The following ERG variants were observed in gnomAD, a reference collection of about 807,000 sequenced individuals.
The protein encoded by ERG is transcriptional regulator ERG.
Under a neutral mutation model 55.3 loss-of-function variants are expected in ERG, and 9 were observed. The observed-to-expected ratio is 0.16, with a 90% CI of 0.10 to 0.28. The LOEUF is 0.28. ERG is among the 10% of genes least tolerant of loss of function. The pLI, the probability that ERG is intolerant of heterozygous loss-of-function variation, is 1.00. For synonymous variants in ERG, 223 were observed against 237.3 expected (o/e 0.94, Z 0.55); for missense variants, 434 against 631.6 (o/e 0.69, Z 3.35).
chr21:38,442,452 G>T (rs1052505385), intron 2 of ERG, among the ~76,000 whole-genome samples: 1 of 152,134 alleles, frequency 6.6e-6, no homozygotes, highest in African/African-American at 2.4e-5. Context: ...GATGTTTCCC[G>T]GAAAGAGACC....
intron 2 of ERG, among the ~76,000 whole-genome samples, chr21:38,555,098 G>A (rs8130048): frequency 0.48 from 73,159 of 151,934 alleles, 19,603 homozygotes; most frequent in Non-Finnish European, 0.62. Context: ...ATGCTGAGGC[G>A]GGCGGATTAC....
At chr21:38,472,697 G>A (rs1330135047) in intron 1 of ERG, among the ~76,000 whole-genome samples, 1 of 152,152 alleles carries the variant, frequency 6.6e-6, no homozygotes, top group African/African-American at 2.4e-5. Context: ...GAAAATGAAC[G>A]TTTGGAAAAG....
At chr21:38,436,012 CT>C (rs899886407) in intron 2 of ERG, among the ~76,000 whole-genome samples, 3 of 100,808 alleles carry the variant, frequency 3.0e-5, no homozygotes, top group Non-Finnish European at 4.0e-5. Flanking sequence ...ATTTTACTTT[CT>C]TTTTTTCTTT....
At position 38,583,880 on chromosome 21, in the gene ERG, G is replaced by A. The variant is rs546148184; in HGVS notation, c.-127+964C>T. Among the ~76,000 whole-genome samples the A allele has an allele frequency of 3.3e-5, 5 of 152,322 alleles. No individual in the cohort carries two copies. In the East Asian group the frequency reaches 9.7e-4, roughly 29 times the overall value. ...CTGACACCTTGATCTTGGACATCCA[G>A]CCTCCGGAACGGTGAGATGATGAAT... On this transcript the variant is annotated intron_variant, in intron 1 of 8. Coordinates refer to the ERG transcript ENST00000398897.
intron 2 of ERG, among the ~76,000 whole-genome samples, chr21:38,527,611 G>T (rs1888470): frequency 0.75 from 114,274 of 152,006 alleles, 43,238 homozygotes; most frequent in Middle Eastern, 0.84. Context: ...CTGATCCTCA[G>T]GCATGGAGCC....
chr21:38,525,488 C>A (rs772051959), intron 2 of ERG, among the ~76,000 whole-genome samples: 22 of 152,158 alleles, frequency 1.4e-4, no homozygotes, highest in African/African-American at 5.1e-4. Flanking sequence ...ACCAGAAGCA[C>A]GCGCAAAGCT....
At chr21:38,644,251 A>C (rs1332468989) in intron 1 of ERG, among the ~76,000 whole-genome samples, 1 of 152,210 alleles carries the variant, frequency 6.6e-6, no homozygotes, top group African/African-American at 2.4e-5. Flanking sequence ...GCAAACCACC[A>C]TGATGATATT....
At chr21:38,562,388 T>C (rs2059898150) in intron 2 of ERG, among the ~76,000 whole-genome samples, 1 of 152,210 alleles carries the variant, frequency 6.6e-6, no homozygotes, top group Admixed American at 6.5e-5. Context: ...ACCTGTAGTT[T>C]GGAAAACAGG....
chr21:38,505,639 G>T lies in ERG; in HGVS notation c.-41+70023C>A, dbSNP rs182970982. ...AGTGGACTGGCCATGATAAGCCAAA[G>T]AATATTATAGCCGATAGGGATAAAT... On this transcript the variant is annotated intron_variant, in intron 2 of 8. Coordinates refer to the ERG transcript ENST00000398897. Among the ~76,000 whole-genome samples, 3 of 152,282 alleles carry T rather than the reference G, an allele frequency of 2.0e-5. No individual in the cohort carries two copies. In the East Asian group the frequency reaches 5.8e-4, roughly 29 times the overall value.
chr21:38,514,170 AAAAG>A (rs1163850461), intron 2 of ERG, among the ~76,000 whole-genome samples: 1 of 151,856 alleles, frequency 6.6e-6, no homozygotes, highest in African/African-American at 2.4e-5. Context: ...AAAAATAAAA[AAAAG>A]AAAGAAAGTT....
intron 2 of ERG, among the ~76,000 whole-genome samples, chr21:38,568,558 A>T (rs1176866351): frequency 6.6e-6 from 1 of 152,176 alleles, no homozygotes; most frequent in Non-Finnish European, 1.5e-5. Flanking sequence ...AGGGGTGAAA[A>T]TCCTAATTAC....
chr21:38,418,090 T>G (rs1484650533), intron 3 of ERG, among the ~76,000 whole-genome samples: 2 of 152,230 alleles, frequency 1.3e-5, no homozygotes, highest in East Asian at 3.8e-4. Context: ...TCTACTTGCC[T>G]TTTCTAAAAG....
At chr21:38,384,253 C>T (rs1374396658) in intron 9 of ERG, among the ~76,000 whole-genome samples, 1 of 152,216 alleles carries the variant, frequency 6.6e-6, no homozygotes, top group Non-Finnish European at 1.5e-5. Context: ...CTTCAGGGCT[C>T]CCGTGGGATT....
intron 1 of ERG, among the ~76,000 whole-genome samples, chr21:38,626,323 G>A (rs1425367042): frequency 1.3e-5 from 2 of 152,228 alleles, no homozygotes; most frequent in African/African-American, 4.8e-5. Flanking sequence ...GTGGTACTGA[G>A]TGTAATCCAT....
At chr21:38,461,797 GTTTA>G (rs986885616) in intron 1 of ERG, among the ~76,000 whole-genome samples, 3 of 152,168 alleles carry the variant, frequency 2.0e-5, no homozygotes, top group Non-Finnish European at 2.9e-5. Context: ...CATGCAATGA[GTTTA>G]TTTATTTATT....
intron 2 of ERG, among the ~76,000 whole-genome samples, chr21:38,558,378 C>T (rs1400144905): frequency 6.6e-6 from 1 of 152,176 alleles, no homozygotes; most frequent in Non-Finnish European, 1.5e-5. Flanking sequence ...ATTATTGGTA[C>T]AAATTATATT....
chr21:38,472,240 T>C (rs764576583), intron 1 of ERG, among the ~76,000 whole-genome samples: 43 of 152,124 alleles, frequency 2.8e-4, no homozygotes, highest in Non-Finnish European at 5.3e-4. Context: ...CATGAAACGG[T>C]GCACTATTAT....
chr21:38,368,235 C>A, the ERG span, among the ~76,000 whole-genome samples: 4,106 of 152,074 alleles, frequency 0.027, 62 homozygotes, highest in Non-Finnish European at 0.031. Flanking sequence ...TGCTTTTCCT[C>A]GTTTTTTTGT....
At chr21:38,374,768 C>A in the ERG span, among the ~76,000 whole-genome samples, 5 of 152,178 alleles carry the variant, frequency 3.3e-5, no homozygotes, top group Non-Finnish European at 5.9e-5. Flanking sequence ...AGCCCCACTC[C>A]TCAGTATTTT....
Sources: allele counts gnomAD v4.1 joint callset (sites outside exome capture counted in the v4.1 genomes callset), GRCh38; gene constraint gnomAD v4.1.1; transcripts MANE v1.5; gene names NCBI Gene and HGNC (gene_info 2026-07-23, HGNC 2026-07-21).